TENM2: variants seen among roughly 807,000 people sequenced by gnomAD.
TENM2 encodes teneurin transmembrane protein 2.
In TENM2, 52 loss-of-function variants were observed where a neutral mutation model predicts 245.2. That is an observed-to-expected ratio of 0.21 (90% CI 0.17 to 0.27). TENM2 has a LOEUF of 0.27. Ranked by LOEUF, TENM2 falls within the 10% of genes least tolerant of loss-of-function variation. The pLI is 1.00. For missense variants in TENM2, 3,046 were observed against 3,666.8 expected, an observed-to-expected ratio of 0.83 and a Z score of 4.37; for synonymous variants, 1,363 against 1,438.9, an observed-to-expected ratio of 0.95 and a Z score of 1.19.
chr5:167,246,049 C>T, the TENM2 span, among the ~76,000 whole-genome samples: 1 of 152,150 alleles, frequency 6.6e-6, no homozygotes, highest in Non-Finnish European at 1.5e-5. Context: ...AGATGAGTTA[C>T]TCCTCCTCTC....
intron 7 of TENM2, 148 bp downstream of exon 9, chr5:168,062,413 A>C: frequency 1.5e-6 from 1 of 674,632 alleles, no homozygotes; most frequent in East Asian, 2.7e-5. Context: ...AGAAATAAGA[A>C]CCCTTGTACA....
chr5:167,494,327 G>A (rs1187543233), intron 2 of TENM2, among the ~76,000 whole-genome samples: 1 of 152,032 alleles, frequency 6.6e-6, no homozygotes, highest in East Asian at 1.9e-4. Context: ...TTACCTAAAG[G>A]GTTGAAAGGT....
intron 2 of TENM2, among the ~76,000 whole-genome samples, chr5:167,668,674 T>A (rs1755732557): frequency 6.6e-6 from 1 of 152,160 alleles, no homozygotes; most frequent in South Asian, 2.1e-4. Flanking sequence ...AAAGGCTTAT[T>A]GTAAGCACAG....
At chr5:167,825,791 A>G (rs866375739) in intron 2 of TENM2, among the ~76,000 whole-genome samples, 2 of 150,902 alleles carry the variant, frequency 1.3e-5, no homozygotes, top group Middle Eastern at 3.4e-3. Flanking sequence ...CTGAGCTCTC[A>G]GTGCGCTCAT....
At position 167,960,120 on chromosome 5, in the gene TENM2, G is replaced by A. The variant is rs566824055; in HGVS notation, c.947+7298G>A. Among the ~76,000 whole-genome samples the A allele has an allele frequency of 1.6e-3, 243 of 152,360 alleles. 2 individuals are homozygous for A. Among genetic ancestry groups the A allele is most frequent in the Non-Finnish European group, 6.9e-4 (47 of 68,042 alleles). ...GCCAGCTGGAGCTCTCCTGTATGAG[G>A]TGTCTGTCAACCCATGCTGGTAGGT... On this transcript the variant is annotated intron_variant, in intron 4 of 28. Transcript: ENST00000518659.
intron 2 of TENM2, among the ~76,000 whole-genome samples, chr5:167,399,009 T>A (rs1021751411): frequency 2.0e-5 from 3 of 152,158 alleles, no homozygotes; most frequent in Admixed American, 2.0e-4. Flanking sequence ...TGGGCAGATA[T>A]GTAAATCCCT....
chr5:167,646,156 C>CATATATATATATGTTGTTTTCAT (rs1432116238), intron 2 of TENM2, among the ~76,000 whole-genome samples: 5 of 97,832 alleles, frequency 5.1e-5, no homozygotes, highest in Admixed American at 3.3e-4. Flanking sequence ...ATGTTGTTTT[C>CATATATATATATGTTGTTTTCAT]ATATATATAT....
At chr5:168,203,897 C>G in intron 18 of TENM2, 65 bp downstream of exon 20, 1 of 1,486,096 alleles carries the variant, frequency 6.7e-7, no homozygotes, top group Non-Finnish European at 9.2e-7. Flanking sequence ...TGTCTCTAGC[C>G]TCAGCATTTA....
intron 2 of TENM2, among the ~76,000 whole-genome samples, chr5:167,502,555 CCTT>C (rs1769278640): frequency 6.6e-6 from 1 of 152,096 alleles, no homozygotes; most frequent in African/African-American, 2.4e-5. Flanking sequence ...GTGTTGAGCT[CCTT>C]CTAACTTATT....
At chr5:167,827,078 C>T (rs1221018673) in intron 2 of TENM2, among the ~76,000 whole-genome samples, 2 of 152,238 alleles carry the variant, frequency 1.3e-5, no homozygotes, top group Non-Finnish European at 2.9e-5. Flanking sequence ...GCCTCCTGTC[C>T]TCCCCTAAGT....
intron 2 of TENM2, among the ~76,000 whole-genome samples, chr5:167,452,964 T>TTTAAATATATATATATATTA (rs1554157789): frequency 1.8e-5 from 2 of 108,212 alleles, no homozygotes; most frequent in South Asian, 2.9e-4. Flanking sequence ...TATATATATT[T>TTTAAATATATATATATATTA]AAAAAAAAAA....
intron 4 of TENM2, among the ~76,000 whole-genome samples, chr5:167,973,134 A>T (rs1036115479): frequency 6.6e-6 from 1 of 152,242 alleles, no homozygotes; most frequent in African/African-American, 2.4e-5. Context: ...ATCCCAAGAG[A>T]AATGCCTAGT....
rs554410960 is a variant in TENM2 at position 167,351,039 on chromosome 5, GAT to G, written c.227-24148_227-24147del. ...TATATATATGGGATATATACATATG[GAT>G]ATATATATATGGGATATATACATAT... On this transcript the variant is annotated intron_variant, in intron 1 of 28. Transcript: ENST00000518659. 1.3e-3 allele frequency among the ~76,000 whole-genome samples: 34 copies of G among 26,330 alleles called. 7 individuals are homozygous for G. Among genetic ancestry groups the G allele is most frequent in the South Asian group, 3.2e-3 (2 of 632 alleles). The allele number at this position is 26,330 out of a possible 152,430, so 17.3% of individuals were successfully genotyped here.
At chr5:167,885,868 G>T (rs1004344235) in intron 3 of TENM2, among the ~76,000 whole-genome samples, 1 of 152,104 alleles carries the variant, frequency 6.6e-6, no homozygotes, top group Non-Finnish European at 1.5e-5. Flanking sequence ...ATTTTTAGTA[G>T]AGACTGTTTT....
At chr5:168,144,244 T>G (rs1755835930) in intron 12 of TENM2, among the ~76,000 whole-genome samples, 1 of 152,122 alleles carries the variant, frequency 6.6e-6, no homozygotes, top group Non-Finnish European at 1.5e-5. Context: ...GTTAGTTACA[T>G]ATGTATACAT....
the TENM2 span, among the ~76,000 whole-genome samples, chr5:167,066,956 T>C: frequency 6.6e-6 from 1 of 152,218 alleles, no homozygotes; most frequent in African/African-American, 2.4e-5. Flanking sequence ...TACTATTTTA[T>C]ATACTTTAGC....
chr5:167,025,144 C>T, the TENM2 span, among the ~76,000 whole-genome samples: 1 of 152,070 alleles, frequency 6.6e-6, no homozygotes, highest in East Asian at 1.9e-4. Flanking sequence ...TTAATGGCCA[C>T]ACTTAAAAAA....
At chr5:168,139,572 G>A (rs1314519245) in intron 12 of TENM2, 1 of 456,296 alleles carries the variant, frequency 2.2e-6, no homozygotes, top group Non-Finnish European at 4.4e-6. Context: ...TTTCCTCTGT[G>A]AGGGGACTGG....
At chr5:167,231,125 G>A in the TENM2 span, among the ~76,000 whole-genome samples, 8 of 152,108 alleles carry the variant, frequency 5.3e-5, 1 homozygote, top group Non-Finnish European at 1.2e-4. Flanking sequence ...ACTAAACCTC[G>A]TTTCTTAATA....
Sources: gnomAD v4.1 joint callset for allele counts (sites outside exome capture counted in the v4.1 genomes callset) on GRCh38, gnomAD v4.1.1 for gene constraint, MANE v1.5 for transcripts, NCBI Gene and HGNC (gene_info 2026-07-23, HGNC 2026-07-21) for gene names.